The following CASR variants were observed in gnomAD, a reference collection of about 807,000 sequenced individuals.
The protein encoded by CASR is extracellular calcium-sensing receptor.
Under a neutral mutation model 69.1 loss-of-function variants are expected in CASR, and 23 were observed. That is an observed-to-expected ratio of 0.33 (90% confidence interval 0.24 to 0.47). The LOEUF (loss-of-function observed/expected upper bound fraction) is 0.47. Ranked by LOEUF, CASR falls within the 20% of genes least tolerant of loss-of-function variation. The probability of loss-of-function intolerance (pLI) is 1.00; values close to 1 mark genes in which losing one functional copy is unlikely to be tolerated. For missense variants in CASR, 924 were observed against 1,356.1 expected (o/e 0.68, Z 5.00); for synonymous variants, 541 against 544.7 (o/e 0.99, Z 0.10).
At chr3:122,188,687 T>G (rs1402496705) in intron 1 of CASR, among the ~76,000 whole-genome samples, 2 of 152,262 alleles carry the variant, frequency 1.3e-5, no homozygotes, top group Non-Finnish European at 2.9e-5. Flanking sequence ...TATTTGTCAT[T>G]GCCTTGAAGT....
chr3:122,217,266 T>G (rs2074126272), intron 1 of CASR, among the ~76,000 whole-genome samples: 1 of 149,650 alleles, frequency 6.7e-6, no homozygotes, highest in South Asian at 2.1e-4. Flanking sequence ...GCCCGGTTAA[T>G]TTTTTTGTAG....
At chr3:122,273,163 C>T (rs1390799652) in intron 4 of CASR, among the ~76,000 whole-genome samples, 1 of 152,198 alleles carries the variant, frequency 6.6e-6, no homozygotes, top group Non-Finnish European at 1.5e-5. Context: ...AGAGCTTTAC[C>T]ACAATATATG....
chr3:122,237,795 A>G (rs916464076), intron 1 of CASR, among the ~76,000 whole-genome samples: 8 of 152,232 alleles, frequency 5.3e-5, no homozygotes. Context: ...AAGGGTGGAC[A>G]AGGACATGGA....
chr3:122,245,936 G>A (rs909560262), intron 1 of CASR, among the ~76,000 whole-genome samples: 7 of 152,288 alleles, frequency 4.6e-5, no homozygotes, highest in Admixed American at 3.9e-4. Flanking sequence ...AAGACAAACT[G>A]TGCACTGACA....
chr3:122,200,994 C>CTTTTTTTTTTTT lies in CASR; in HGVS notation c.-243+17192_-243+17193insTTTTTTTTTTTT, dbSNP rs67815991. Among the ~76,000 whole-genome samples the CTTTTTTTTTTTT allele has an allele frequency of 1.4e-3, 112 of 81,568 alleles. 2 individuals carry two copies. The highest frequency in any genetic ancestry group is 1.8e-3 in the African/African-American group (35 of 19,776). The allele number at this position is 81,568 out of a possible 152,430, so 53.5% of individuals were successfully genotyped here. On this transcript the variant is annotated intron_variant, in intron 1 of 6. Transcript: ENST00000639785. Reference sequence around the variant, plus strand: ...TGAATATCTTTTGCCCATTGCTTTTCTTTTTTTTTTATTTTTTTTTTTTTT... The same window carrying CTTTTTTTTTTTT: ...TGAATATCTTTTGCCCATTGCTTTTCTTTTTTTTTTTTTTTTTTTTTTATTTTTTTTTTTTTT...
chr3:122,277,700 G>T (rs985188266), intron 5 of CASR, among the ~76,000 whole-genome samples: 1 of 152,110 alleles, frequency 6.6e-6, no homozygotes, highest in African/African-American at 2.4e-5. Flanking sequence ...ACTGCCACCT[G>T]TTTACCCCTG....
At position 122,284,623 on chromosome 3, in the gene CASR, G is replaced by A. The variant is rs567996888; in HGVS notation, c.2669G>A (p.Arg890His). 1.1e-5 allele frequency: 18 copies of A among 1,614,028 alleles called. No homozygotes were observed. The highest frequency in any genetic ancestry group is 8.9e-5 in the East Asian group (4 of 44,874). The change falls in exon 7 of 7, where the codon CGC (arginine) becomes CAC (histidine). Residue 890 changes from arginine (R) to histidine (H), a missense_variant. By Grantham distance (29) the Arg-to-His change is conservative. This residue lies in a region of CASR where 42 missense variants were observed against 73.2 expected (regional missense o/e 0.57). Transcript: ENST00000639785. Reference protein sequence around the residue: ...AFKVAARATLRRSNVSRKRSS... With the variant: ...AFKVAARATLHRSNVSRKRSS... ...AAGGTGGCTGCCCGGGCCACGCTGC[G>A]CCGCAGCAACGTCTCCCGCAAGCGG...
rs1370844938 is a variant in CASR at position 122,257,186 on chromosome 3, A to G, written c.291A>G (p.Ile97Met). 2 of 1,614,176 alleles carry G rather than the reference A, an allele frequency of 1.2e-6. No individual in the cohort carries two copies. The highest frequency in any genetic ancestry group is 1.1e-5 in the South Asian group (1 of 91,086). The change falls in exon 3 of 7, where the codon ATA becomes ATG. Residue 97 changes from isoleucine to methionine, a missense_variant. This residue lies in a region of CASR where 141 missense variants were observed against 283.0 expected (regional missense o/e 0.50). Coordinates refer to ENST00000639785, the MANE Select transcript of CASR (RefSeq NM_000388.4). ...CCAACTTGACGCTGGGATACAGGAT[A>G]TTTGACACTTGCAACACCGTTTCTA... is the stretch of plus-strand genomic sequence containing the variant. ...LLPNLTLGYRIFDTCNTVSKA... is the reference protein window; with the variant it reads ...LLPNLTLGYRMFDTCNTVSKA...
chr3:122,252,408 A>T (rs1192633884), intron 1 of CASR, among the ~76,000 whole-genome samples: 5 of 85,118 alleles, frequency 5.9e-5, no homozygotes, highest in African/African-American at 1.0e-4. Flanking sequence ...GGAAGGAAGG[A>T]AAAAGAAAGA....
At chr3:122,184,076 C>T (rs1021986462) in intron 1 of CASR, among the ~76,000 whole-genome samples, 2 of 152,132 alleles carry the variant, frequency 1.3e-5, no homozygotes, top group African/African-American at 2.4e-5. Flanking sequence ...GGACCCGAGC[C>T]GGCCTGTGGC....
intron 1 of CASR, among the ~76,000 whole-genome samples, chr3:122,237,044 C>T (rs1415437530): frequency 6.6e-6 from 1 of 151,230 alleles, no homozygotes; most frequent in Non-Finnish European, 1.5e-5. Flanking sequence ...GGTAATGAAA[C>T]ACTGGAGGCT....
chr3:122,275,997 C>T lies in CASR; in HGVS notation c.1563C>T (p.Leu521=), dbSNP rs1184885439. The part of the protein sequence containing the change: ...YNVYAKKGER[L]FINEEKILWS... ...TCTATGCCAAGAAGGGAGAAAGACT[C>T]TTCATCAACGAGGAGAAAATCCTGT... The change falls in exon 5 of 7, where the codon CTC becomes CTT. Residue 521 remains leucine (L), a synonymous_variant. Transcript: ENST00000639785. The T allele has an allele frequency of 6.2e-7, 1 of 1,613,882 alleles. No individual in the cohort carries two copies. Among genetic ancestry groups the T allele is most frequent in the Admixed American group, 1.7e-5 (1 of 60,012 alleles).
intron 1 of CASR, among the ~76,000 whole-genome samples, chr3:122,240,834 T>A (rs2074372840): frequency 6.6e-6 from 1 of 152,074 alleles, no homozygotes; most frequent in Non-Finnish European, 1.5e-5. Flanking sequence ...TCAAGCATTG[T>A]CTTTGACCAC....
At chr3:122,203,092 C>A (rs749918969) in intron 1 of CASR, among the ~76,000 whole-genome samples, 5 of 152,204 alleles carry the variant, frequency 3.3e-5, no homozygotes, top group Admixed American at 6.5e-5. Flanking sequence ...CTTCTGTGTT[C>A]TTTTTCTTCT....
At chr3:122,224,593 A>C (rs2074204535) in intron 1 of CASR, among the ~76,000 whole-genome samples, 1 of 152,238 alleles carries the variant, frequency 6.6e-6, no homozygotes, top group African/African-American at 2.4e-5. Context: ...GGAAGCATCA[A>C]TATCATTAAA....
Position 122,284,289 on chromosome 3 carries a change from T to C in CASR, c.2335T>C (p.Tyr779His), listed in dbSNP as rs766889439. 1.2e-6 allele frequency: 2 copies of C among 1,614,152 alleles called. No individual in the cohort carries two copies. Among genetic ancestry groups the C allele is most frequent in the South Asian group, 1.1e-5 (1 of 91,084 alleles). ...SLMALGFLIG[Y>H]TCLLAAICFF... ...CATGGCCCTGGGCTTCCTGATCGGC[T>C]ACACCTGCCTGCTGGCTGCCATCTG... Residue 779 changes from tyrosine to histidine, a missense_variant, in exon 7 of 7, where the codon TAC (tyrosine) becomes CAC (histidine). By Grantham distance (83) the Tyr-to-His change is moderately conservative (BLOSUM62 2). Coordinates refer to ENST00000639785, the MANE Select transcript of CASR (RefSeq NM_000388.4).
At position 122,284,824 on chromosome 3, in the gene CASR, A is replaced by G. The variant is rs150979829; in HGVS notation, c.2870A>G (p.Gln957Arg). The G allele has an allele frequency of 1.9e-5, 31 of 1,604,600 alleles. No homozygotes were observed. The highest frequency in any genetic ancestry group is 2.5e-5 in the Non-Finnish European group (29 of 1,171,484). ...ACCCTCCCACAGCAGCAACGATCTC[A>G]GCAGCAGCCCAGATGCAAGCAGAAG... Reference protein sequence around the residue: ...PLTLPQQQRSQQQPRCKQKVI... With the variant: ...PLTLPQQQRSRQQPRCKQKVI... The change falls in exon 7 of 7, where the codon CAG becomes CGG. Residue 957 changes from glutamine (Q) to arginine (R), a missense_variant. Physicochemically the swap from Gln to Arg is conservative, Grantham distance 43 (BLOSUM62 1). Coordinates refer to ENST00000639785, the MANE Select transcript of CASR (RefSeq NM_000388.4).
chr3:122,234,761 A>G (rs140583315), intron 1 of CASR, among the ~76,000 whole-genome samples: 1 of 152,328 alleles, frequency 6.6e-6, no homozygotes, highest in East Asian at 1.9e-4. Flanking sequence ...TCAGGTTTAT[A>G]GAAACATGTG....
chr3:122,205,770 AT>A (rs2107591314), intron 1 of CASR, among the ~76,000 whole-genome samples: 1 of 151,872 alleles, frequency 6.6e-6, no homozygotes, highest in Admixed American at 6.5e-5. Flanking sequence ...AGCTTTCCTT[AT>A]ATAGATTTTT....
Sources: gnomAD v4.1 joint callset for allele counts (sites outside exome capture counted in the v4.1 genomes callset) on GRCh38, gnomAD v4.1.1 for gene constraint, gnomAD v4.1.1 regional missense constraint, MANE v1.5 for transcripts, NCBI Gene and HGNC (gene_info 2026-07-23, HGNC 2026-07-21) for gene names.